The following ABL1 variants were observed in gnomAD, a reference collection of about 807,000 sequenced individuals.
ABL1 encodes ABL proto-oncogene 1, non-receptor tyrosine kinase.
In ABL1, 11 loss-of-function variants were observed where a neutral mutation model predicts 94.7. That is an observed-to-expected ratio of 0.12 (90% CI 0.07 to 0.19). The LOEUF is 0.19. Ranked by LOEUF, ABL1 falls within the 10% of genes least tolerant of loss-of-function variation. The pLI is 1.00. For missense variants in ABL1, 1,082 were observed against 1,489.4 expected, an observed-to-expected ratio of 0.73 and a Z score of 4.50; for synonymous variants, 656 against 622.4, an observed-to-expected ratio of 1.05 and a Z score of -0.80.
At chr9:130,754,553 T>C (rs1832018539) in intron 1 of ABL1, among the ~76,000 whole-genome samples, 1 of 146,184 alleles carries the variant, frequency 6.8e-6, no homozygotes, top group Non-Finnish European at 1.5e-5. Flanking sequence ...TAAAGGGGAG[T>C]TGGTCTCACC....
chr9:130,806,914 G>T (rs1424757854), intron 1 of ABL1, among the ~76,000 whole-genome samples: 2 of 152,114 alleles, frequency 1.3e-5, no homozygotes, highest in Admixed American at 1.3e-4. Context: ...ACTTTGGGAG[G>T]CCGCGGCAGG....
At chr9:130,883,233 C>T (rs1299484770) in intron 10 of ABL1, among the ~76,000 whole-genome samples, 1 of 152,224 alleles carries the variant, frequency 6.6e-6, no homozygotes, top group Non-Finnish European at 1.5e-5. Context: ...TGCAGTGGCT[C>T]ATGCCTGTAA....
intron 1 of ABL1, among the ~76,000 whole-genome samples, chr9:130,724,498 T>A (rs759447351): frequency 1.3e-5 from 2 of 151,694 alleles, no homozygotes; most frequent in Non-Finnish European, 2.9e-5. Flanking sequence ...AACCAGAACA[T>A]TTATTGTGTG....
intron 1 of ABL1, among the ~76,000 whole-genome samples, chr9:130,797,436 A>C (rs1380918564): frequency 2.6e-5 from 4 of 152,034 alleles, no homozygotes; most frequent in South Asian, 4.1e-4. Flanking sequence ...GTGCAGTAGC[A>C]TGGTCTTAGC....
chr9:130,744,856 C>CAA (rs796361842), intron 1 of ABL1, among the ~76,000 whole-genome samples: 17 of 58,330 alleles, frequency 2.9e-4, no homozygotes, highest in Admixed American at 4.2e-4. Context: ...GACTCCGTCT[C>CAA]AAAAAAAAAA....
At chr9:130,790,289 C>T (rs1829888716) in intron 1 of ABL1, among the ~76,000 whole-genome samples, 1 of 152,140 alleles carries the variant, frequency 6.6e-6, no homozygotes, top group Admixed American at 6.5e-5. Flanking sequence ...GTGGCCCCCA[C>T]CCTTTTGTCT....
intron 1 of ABL1, among the ~76,000 whole-genome samples, chr9:130,760,843 T>C (rs1832103070): frequency 6.6e-6 from 1 of 150,784 alleles, no homozygotes; most frequent in Non-Finnish European, 1.5e-5. Flanking sequence ...TTGCATTATT[T>C]TTTGGTAGAG....
At chr9:130,807,961 AGTGTTGGGATTACAGGC>A (rs1200261127) in intron 1 of ABL1, among the ~76,000 whole-genome samples, 1 of 150,930 alleles carries the variant, frequency 6.6e-6, no homozygotes, top group Non-Finnish European at 1.5e-5. Flanking sequence ...AGCTTTTCAA[AGTGTTGGGATTACAGGC>A]GTGAGCCACT....
chr9:130,771,595 T>C (rs946930822), intron 1 of ABL1, among the ~76,000 whole-genome samples: 1 of 152,134 alleles, frequency 6.6e-6, no homozygotes, highest in African/African-American at 2.4e-5. Flanking sequence ...GAAAGTATCA[T>C]AGGTATTTAT....
At chr9:130,757,068 G>C (rs1832049990) in intron 1 of ABL1, among the ~76,000 whole-genome samples, 1 of 152,188 alleles carries the variant, frequency 6.6e-6, no homozygotes. Context: ...TGAGAAGGCA[G>C]TTTGGGACCC....
intron 1 of ABL1, among the ~76,000 whole-genome samples, chr9:130,723,527 A>G (rs1237121673): frequency 1.3e-5 from 2 of 152,166 alleles, no homozygotes; most frequent in Admixed American, 6.6e-5. Flanking sequence ...CCTGTGTGAT[A>G]AAGCAAGACC....
chr9:130,728,669 C>CA (rs1306607710), intron 1 of ABL1, among the ~76,000 whole-genome samples: 1 of 150,146 alleles, frequency 6.7e-6, no homozygotes, highest in Non-Finnish European at 1.5e-5. Context: ...GGATTACAGG[C>CA]ATGAGCCACT....
chr9:130,804,873 C>G (rs1830105001), intron 1 of ABL1, among the ~76,000 whole-genome samples: 1 of 152,058 alleles, frequency 6.6e-6, no homozygotes, highest in Non-Finnish European at 1.5e-5. Flanking sequence ...ATTTCTAGCC[C>G]AAAGAGTCAT....
At chr9:130,778,096 G>C (rs2515711) in intron 1 of ABL1, among the ~76,000 whole-genome samples, 6 of 75,684 alleles carry the variant, frequency 7.9e-5, no homozygotes, top group Admixed American at 2.8e-4. Flanking sequence ...TTAGTACTTT[G>C]TAGACTGTGA....
intron 10 of ABL1, among the ~76,000 whole-genome samples, chr9:130,881,870 T>TC (rs1243234371): frequency 8.0e-4 from 115 of 143,266 alleles, no homozygotes; most frequent in Non-Finnish European, 1.5e-3. Context: ...TCACGTACTC[T>TC]CATTAGTAAA....
chr9:130,766,133 G>A (rs778218830), intron 1 of ABL1, among the ~76,000 whole-genome samples: 6 of 152,214 alleles, frequency 3.9e-5, no homozygotes, highest in Non-Finnish European at 5.9e-5. Context: ...TGAGGGCCCC[G>A]GGCCGTGGCA....
chr9:130,869,132 A>C (rs1300796116), intron 4 of ABL1, among the ~76,000 whole-genome samples: 1 of 151,650 alleles, frequency 6.6e-6, no homozygotes, highest in Non-Finnish European at 1.5e-5. Context: ...GCGCCACTGC[A>C]CTCTAGCCTG....
intron 1 of ABL1, among the ~76,000 whole-genome samples, chr9:130,725,487 TCTTCTGCC>T (rs1831569602): frequency 1.3e-5 from 2 of 152,178 alleles, no homozygotes; most frequent in African/African-American, 4.8e-5. Flanking sequence ...TTCAAGCAGT[TCTTCTGCC>T]TCACCCTCCC....
chr9:130,879,394 A>G (rs1831414108), intron 8 of ABL1, among the ~76,000 whole-genome samples: 1 of 152,080 alleles, frequency 6.6e-6, no homozygotes, highest in Admixed American at 6.5e-5. Flanking sequence ...TCACTCATTC[A>G]TCCGGTCCTC....
Sources: gnomAD v4.1 joint callset for allele counts (sites outside exome capture counted in the v4.1 genomes callset) on GRCh38, gnomAD v4.1.1 for gene constraint, MANE v1.5 for transcripts, NCBI Gene and HGNC (gene_info 2026-07-23, HGNC 2026-07-21) for gene names.